The following SPRY3 variants were observed in gnomAD, a reference collection of about 807,000 sequenced individuals.
SPRY3 encodes sprouty RTK signaling antagonist 3, also known as protein sprouty homolog 3.
SPRY3 carries 15 observed loss-of-function variants against 20.2 expected under a neutral mutation model. The observed-to-expected ratio is 0.74, with a 90% CI of 0.50 to 1.14. The LOEUF is 1.14. SPRY3 is among the 50% of genes most tolerant of loss of function. SPRY3 has a pLI of 0.00. For missense variants in SPRY3, 364 were observed against 363.9 expected, an observed-to-expected ratio of 1.00 and a Z score of 0.00; for synonymous variants, 143 against 136.5, an observed-to-expected ratio of 1.05 and a Z score of -0.33.
chrX:155,750,427 A>C (rs2091256630), intron 2 of SPRY3, among the ~76,000 whole-genome samples: 9 of 151,910 alleles, frequency 5.9e-5, no homozygotes, highest in Admixed American at 5.9e-4. Context: ...TGAACCTAAA[A>C]GTTGAAATCA....
At chrX:155,776,996 C>G (rs899866748), downstream of SPRY3, 1 of 167,002 alleles carries the variant, frequency 6.0e-6, no homozygotes, top group South Asian at 2.1e-4. Context: ...TAAGGTTAGG[C>G]TTCTTGGAAC....
chrX:155,768,496 G>C (rs777539238), intron 3 of SPRY3, among the ~76,000 whole-genome samples: 8 of 151,970 alleles, frequency 5.3e-5, no homozygotes, highest in African/African-American at 1.2e-4. Flanking sequence ...AGGACAGAGA[G>C]AGAGCCCGTG....
chrX:155,765,965 C>G (rs942857405), intron 2 of SPRY3, among the ~76,000 whole-genome samples: 18 of 152,278 alleles, frequency 1.2e-4, no homozygotes, highest in African/African-American at 2.6e-4. Flanking sequence ...TGACCTGAAT[C>G]TAGTTAGTAC....
intron 3 of SPRY3, among the ~76,000 whole-genome samples, chrX:155,770,362 T>G (rs1266023526): frequency 6.6e-6 from 1 of 152,156 alleles, no homozygotes; most frequent in Admixed American, 6.5e-5. Flanking sequence ...ACATTAGCAT[T>G]TCTTGAATGG....
At position 155,621,386 on chromosome X, in the gene SPRY3, C is replaced by G. The variant is rs1026320463; in HGVS notation, c.-441+8739C>G. Among the ~76,000 whole-genome samples the G allele has an allele frequency of 2.7e-5, 3 of 111,208 alleles. No homozygotes were observed. In the Admixed American group the frequency reaches 2.9e-4, roughly 11 times the overall value. On this transcript the variant is annotated intron_variant, in intron 1 of 3. Transcript: ENST00000675360. ...TATTACCTATTACATTTTTTCCAGT[C>G]TTACTGTTGGTGAGGCAAGAACCCT...
intron 2 of SPRY3, among the ~76,000 whole-genome samples, chrX:155,706,809 T>C (rs1315023612): frequency 6.6e-6 from 1 of 150,902 alleles, no homozygotes; most frequent in Non-Finnish European, 1.5e-5. Flanking sequence ...ACCATAGCAA[T>C]GGTACATCTA....
At chrX:155,651,397 G>C (rs898722481) in intron 1 of SPRY3, among the ~76,000 whole-genome samples, 3 of 111,730 alleles carry the variant, frequency 2.7e-5, no homozygotes, top group African/African-American at 9.8e-5. Flanking sequence ...TAGGTTTATA[G>C]GGGTATCTCA....
intron 2 of SPRY3, among the ~76,000 whole-genome samples, chrX:155,737,053 C>T (rs777063968): frequency 6.6e-6 from 1 of 152,010 alleles, no homozygotes; most frequent in African/African-American, 2.4e-5. Context: ...TTGATTCTTT[C>T]TTAGAATTTT....
intron 2 of SPRY3, among the ~76,000 whole-genome samples, chrX:155,727,024 C>T (rs868666235): frequency 2.0e-5 from 3 of 152,150 alleles, no homozygotes; most frequent in Non-Finnish European, 2.9e-5. Context: ...TCGGCATTTG[C>T]TTGTCTCTAA....
exon 4 of SPRY3, chrX:155,774,864 C>A: frequency 8.8e-7 from 1 of 1,131,608 alleles, no homozygotes; most frequent in Non-Finnish European, 1.3e-6. Context: ...TTTGTTCCTG[C>A]AGTGTCAGGG....
intron 2 of SPRY3, among the ~76,000 whole-genome samples, chrX:155,724,316 G>C (rs2091083064): frequency 4.6e-5 from 7 of 152,060 alleles, no homozygotes; most frequent in Admixed American, 3.9e-4. Flanking sequence ...TTCCAATTCT[G>C]TGAAGAAAGT....
At chrX:155,726,186 G>C (rs2091095652) in intron 2 of SPRY3, among the ~76,000 whole-genome samples, 1 of 152,160 alleles carries the variant, frequency 6.6e-6, no homozygotes, top group Non-Finnish European at 1.5e-5. Context: ...CTGAGAAACA[G>C]TTTATTGTGA....
intron 2 of SPRY3, among the ~76,000 whole-genome samples, chrX:155,767,521 G>GGA (rs2091340721): frequency 6.6e-6 from 1 of 151,680 alleles, no homozygotes; most frequent in Non-Finnish European, 1.5e-5. Flanking sequence ...TGGAGGAGAG[G>GGA]GAGACCAAGG....
chrX:155,735,695 G>A (rs1389605284), intron 2 of SPRY3, among the ~76,000 whole-genome samples: 2 of 151,782 alleles, frequency 1.3e-5, no homozygotes, highest in Non-Finnish European at 2.9e-5. Flanking sequence ...TAATATATCT[G>A]GGTCTTTATA....
chrX:155,751,943 TAAA>T (rs2091264764), intron 2 of SPRY3, among the ~76,000 whole-genome samples: 1 of 53,270 alleles, frequency 1.9e-5, no homozygotes, highest in Admixed American at 2.0e-4. Context: ...TAAAATAAAA[TAAA>T]ATAAAATAAA....
intron 2 of SPRY3, among the ~76,000 whole-genome samples, chrX:155,717,154 CAA>C (rs1178558140): frequency 5.7e-5 from 7 of 122,422 alleles, no homozygotes; most frequent in African/African-American, 6.0e-5. Context: ...GTGAGACTGT[CAA>C]AAAAAAAAAA....
intron 1 of SPRY3, among the ~76,000 whole-genome samples, chrX:155,627,324 A>G (rs782506985): frequency 8.9e-6 from 1 of 112,195 alleles, no homozygotes; most frequent in East Asian, 2.8e-4. Context: ...GAGATCATGC[A>G]GTATTTGTCT....
intron 2 of SPRY3, among the ~76,000 whole-genome samples, chrX:155,764,712 G>C (rs1417076260): frequency 1.3e-5 from 2 of 152,056 alleles, no homozygotes; most frequent in African/African-American, 4.8e-5. Flanking sequence ...CACAAAGGGG[G>C]CCTCTGGAGC....
chrX:155,618,629 C>T (rs74383567), intron 1 of SPRY3, among the ~76,000 whole-genome samples: 2 of 111,481 alleles, frequency 1.8e-5, no homozygotes, highest in Non-Finnish European at 3.8e-5. Context: ...AGTGGCTGTA[C>T]CATTTTATAT....
Sources: gnomAD v4.1 joint callset for allele counts (sites outside exome capture counted in the v4.1 genomes callset) on GRCh38, gnomAD v4.1.1 for gene constraint, MANE v1.5 for transcripts, NCBI Gene and HGNC (gene_info 2026-07-23, HGNC 2026-07-21) for gene names.